The following NCBP3 variants were observed in gnomAD, a reference collection of about 807,000 sequenced individuals.
The protein encoded by NCBP3 is nuclear cap-binding protein subunit 3.
NCBP3 carries 20 observed loss-of-function variants against 75.7 expected under a neutral mutation model. The observed-to-expected ratio is 0.26, with a 90% CI of 0.19 to 0.38. The LOEUF is 0.38. NCBP3 is among the 10% of genes least tolerant of loss of function. The pLI is 1.00. For missense variants in NCBP3, 678 were observed against 796.9 expected (o/e 0.85, Z 1.80); for synonymous variants, 293 against 290.5 (o/e 1.01, Z -0.09).
At chr17:3,821,604 G>A (rs2053666897) in intron 8 of NCBP3, among the ~76,000 whole-genome samples, 1 of 152,040 alleles carries the variant, frequency 6.6e-6, no homozygotes. Flanking sequence ...TGTATTTTTA[G>A]TAGAGACGGG....
chr17:3,840,651 T>A (rs1052582777), intron 2 of NCBP3, among the ~76,000 whole-genome samples: 3 of 152,202 alleles, frequency 2.0e-5, no homozygotes, highest in Non-Finnish European at 4.4e-5. Context: ...AGCAAGCAGA[T>A]CTGATTCCAG....
intron 1 of NCBP3, 48 bp downstream of exon 1, chr17:3,845,993 G>A (rs2054157513): frequency 6.5e-7 from 1 of 1,527,464 alleles, no homozygotes; most frequent in African/African-American, 1.4e-5. Context: ...TCCGGCGCTA[G>A]ACACTAGCCC....
chr17:3,845,303 T>C (rs1006971951), intron 1 of NCBP3, among the ~76,000 whole-genome samples: 9 of 152,192 alleles, frequency 5.9e-5, no homozygotes, highest in Non-Finnish European at 1.2e-4. Context: ...TAATTCATGT[T>C]AGGTGAGAAA....
At chr17:3,827,230 G>A (rs1042741260) in intron 4 of NCBP3, among the ~76,000 whole-genome samples, 3 of 152,206 alleles carry the variant, frequency 2.0e-5, no homozygotes, top group African/African-American at 7.2e-5. Context: ...AAAAAGAGTT[G>A]TGTATATTTA....
Position 3,812,856 on chromosome 17 carries a change from G to T in NCBP3, c.*188C>A, listed in dbSNP as rs148372516. The T allele has an allele frequency of 4.9e-5, 69 of 1,421,734 alleles. No homozygotes were observed. The highest frequency in any genetic ancestry group is 6.2e-5 in the Non-Finnish European group (68 of 1,091,364). The allele number at this position is 1,421,734 out of a possible 1,614,324, so 88.1% of individuals were successfully genotyped here. ...GGGCCCAGAACTACAACTCTGCAGC[G>T]AAAGATAGAGATGCCCTTGAAAATG... is the stretch of plus-strand genomic sequence containing the variant. On this transcript the variant is annotated 3_prime_UTR_variant, in exon 13 of 13. Coordinates refer to ENST00000389005, the MANE Select transcript of NCBP3 (RefSeq NM_001114118.3).
chr17:3,842,488 G>A (rs552597460), intron 2 of NCBP3, among the ~76,000 whole-genome samples: 1 of 152,146 alleles, frequency 6.6e-6, no homozygotes, highest in Non-Finnish European at 1.5e-5. Context: ...AGTGGAAACA[G>A]TACACATTTT....
rs2054039671 is a variant in NCBP3 at position 3,840,183 on chromosome 17, T to C, written c.272A>G (p.Gln91Arg). ...TSKEAIEKKE[Q>R]RAKRFHFRSE... is the part of the protein sequence containing the mutation. ...TCGAAAATGGAAGCGCTTGGCTCGC[T>C]GCTCTTTCTTTTCAATTGCTTCCTA... Residue 91 changes from glutamine (Q) to arginine (R), a missense_variant, in exon 3 of 13, where the codon CAG becomes CGG. Physicochemically the swap from Gln to Arg is conservative, Grantham distance 43. This residue lies in a region of NCBP3 where 46 missense variants were observed against 82.8 expected (regional missense o/e 0.56). Coordinates refer to ENST00000389005, the MANE Select transcript of NCBP3 (RefSeq NM_001114118.3). 3.2e-6 allele frequency: 5 copies of C among 1,551,750 alleles called. No homozygotes were observed. The highest frequency in any genetic ancestry group is 4.4e-6 in the Non-Finnish European group (5 of 1,146,972).
Position 3,812,570 on chromosome 17 carries a change from GCCGC to G in NCBP3, c.*470_*473del. On this transcript the variant is annotated 3_prime_UTR_variant, in exon 13 of 13. Coordinates refer to ENST00000389005, the MANE Select transcript of NCBP3 (RefSeq NM_001114118.3). ...ACTAGGGTCCCGGAAGGGTGAGCTG[GCCGC>G]TTCCCTCCTCTTCCCCCTCGAAGGA... is the stretch of plus-strand genomic sequence containing the variant. The G allele has an allele frequency of 7.9e-6, 8 of 1,009,110 alleles. No homozygotes were observed. In the Admixed American group the frequency reaches 1.6e-4, roughly 20 times the overall value. The allele number at this position is 1,009,110 out of a possible 1,614,324, so 62.5% of individuals were successfully genotyped here.
chr17:3,835,148 A>G (rs985972859), intron 3 of NCBP3, among the ~76,000 whole-genome samples: 2 of 152,392 alleles, frequency 1.3e-5, no homozygotes, highest in Admixed American at 6.5e-5. Flanking sequence ...TGCACTCAGC[A>G]GACTGAAAGC....
chr17:3,843,913 A>G (rs2054111047), intron 1 of NCBP3, among the ~76,000 whole-genome samples: 1 of 152,188 alleles, frequency 6.6e-6, no homozygotes, highest in East Asian at 1.9e-4. Context: ...TTTATTAAGA[A>G]GCCCCATCCT....
chr17:3,825,741 A>G, intron 6 of NCBP3, 26 bp downstream of exon 6: 1 of 1,490,464 alleles, frequency 6.7e-7, no homozygotes, highest in Non-Finnish European at 9.1e-7. Flanking sequence ...CAATAACTTT[A>G]CATCTATCTT....
At chr17:3,824,297 A>C (rs2053728690) in intron 7 of NCBP3, 1 of 152,120 alleles carries the variant, frequency 6.6e-6, no homozygotes, top group Non-Finnish European at 1.5e-5. Context: ...GATTAAAAAA[A>C]CCAATATGTG....
Position 3,803,747 on chromosome 17 carries a change from T to C in NCBP3, c.*9297A>G, listed in dbSNP as rs574800510. On this transcript the variant is annotated 3_prime_UTR_variant, in exon 13 of 13. Coordinates refer to ENST00000389005, the MANE Select transcript of NCBP3 (RefSeq NM_001114118.3). The stretch of plus-strand genomic sequence containing the variant: ...ATATTTTAAAAAATTTTTTTCTTTC[T>C]CCCCTTGATACCAGGAAGAATAAAG... 26 of 152,296 alleles carry C rather than the reference T, an allele frequency of 1.7e-4. No individual in the cohort carries two copies. The highest frequency in any genetic ancestry group is 6.3e-4 in the African/African-American group (26 of 41,566). The allele number at this position is 152,296 out of a possible 1,614,324, so 9.4% of individuals were successfully genotyped here. A position where few individuals can be genotyped will look rare whatever the true frequency, so the allele number is the denominator to read the frequency against.
At chr17:3,844,446 C>A (rs2143725843) in intron 1 of NCBP3, among the ~76,000 whole-genome samples, 2 of 152,296 alleles carry the variant, frequency 1.3e-5, no homozygotes, top group Middle Eastern at 3.4e-3. Flanking sequence ...TCAATCTTCA[C>A]AAGATTGGCT....
chr17:3,825,421 A>G (rs1261561274), intron 6 of NCBP3, among the ~76,000 whole-genome samples: 3 of 152,238 alleles, frequency 2.0e-5, no homozygotes, highest in African/African-American at 7.2e-5. Flanking sequence ...TACTCAGTAA[A>G]TATTTTTTAA....
At chr17:3,829,768 G>A (rs1019351652) in intron 3 of NCBP3, among the ~76,000 whole-genome samples, 1 of 152,178 alleles carries the variant, frequency 6.6e-6, no homozygotes, top group Non-Finnish European at 1.5e-5. Flanking sequence ...AATTCTGAAA[G>A]AGAAGAGATG....
chr17:3,816,837 T>A (rs1273892284), intron 10 of NCBP3, among the ~76,000 whole-genome samples: 1 of 152,054 alleles, frequency 6.6e-6, no homozygotes, highest in Admixed American at 6.6e-5. Flanking sequence ...ATCGAGACCA[T>A]CCTGGCTAAC....
At chr17:3,827,071 AGGGTAGGGGGAAAG>A (rs2053801520) in intron 4 of NCBP3, among the ~76,000 whole-genome samples, 2 of 120,070 alleles carry the variant, frequency 1.7e-5, no homozygotes, top group African/African-American at 6.3e-5. Flanking sequence ...GGAAGGGGGA[AGGGTAGGGGGAAAG>A]GGGAAGGGGG....
chr17:3,846,150 G>C lies in NCBP3; in HGVS notation c.74C>G (p.Ser25Cys). 3 of 1,538,382 alleles carry C rather than the reference G, an allele frequency of 2.0e-6. No homozygotes were observed. Among genetic ancestry groups the C allele is most frequent in the Non-Finnish European group, 2.6e-6 (3 of 1,141,702 alleles). Residue 25 changes from serine to cysteine, a missense_variant, in exon 1 of 13, where the codon TCC (serine) becomes TGC (cysteine). This residue lies in a region of NCBP3 where 76 missense variants were observed against 53.8 expected (regional missense o/e 1.41). Coordinates refer to ENST00000389005, the MANE Select transcript of NCBP3 (RefSeq NM_001114118.3). This position sits in a 1 kb window ranked among gnomAD's most constrained non-coding sequence, Gnocchi z 4.6. ...APAGPALGLPSPEAESGVDRG... is the reference protein window; with the variant it reads ...APAGPALGLPCPEAESGVDRG... ...GTCAACACCGGACTCCGCCTCAGGG[G>C]ACGGGAGCCCCAGGGCCGGCCCCGC...
Sources: allele counts gnomAD v4.1 joint callset (sites outside exome capture counted in the v4.1 genomes callset), GRCh38; gene constraint gnomAD v4.1.1; regional missense constraint gnomAD v4.1.1; non-coding constraint Gnocchi (gnomAD v3.1); transcripts MANE v1.5; gene names NCBI Gene and HGNC (gene_info 2026-07-23, HGNC 2026-07-21).